CELA2A: variants seen among roughly 807,000 people sequenced by gnomAD.
The protein encoded by CELA2A is chymotrypsin like elastase 2A, also known as chymotrypsin-like elastase family member 2A.
In CELA2A, 31 loss-of-function variants were observed where a neutral mutation model predicts 35.3. The ratio of observed to expected loss-of-function variants is 0.88; its 90% CI spans 0.66 to 1.19. CELA2A has a LOEUF of 1.19. CELA2A is among the 50% of genes most tolerant of loss of function. The pLI, the probability that CELA2A is intolerant of heterozygous loss-of-function variation, is 0.00. For missense variants in CELA2A, 330 were observed against 352.9 expected, an observed-to-expected ratio of 0.94 and a Z score of 0.52; for synonymous variants, 150 against 149.8, an observed-to-expected ratio of 1.00 and a Z score of -0.01.
At chr1:15,465,953 T>G (rs1221648736) in intron 5 of CELA2A, 46 bp from the exon 6 acceptor site, 1 of 1,608,806 alleles carries the variant, frequency 6.2e-7, no homozygotes, top group Admixed American at 1.7e-5. Context: ...TTCCTTTTTC[T>G]CAGGAGTCCC....
chr1:15,461,348 C>T (rs562163509), intron 2 of CELA2A, among the ~76,000 whole-genome samples: 2 of 152,320 alleles, frequency 1.3e-5, no homozygotes, highest in Admixed American at 6.5e-5. Context: ...AAGCATGAGC[C>T]ACCATGCCTG....
intron 2 of CELA2A, among the ~76,000 whole-genome samples, chr1:15,460,812 T>C (rs1708423401): frequency 6.6e-6 from 1 of 151,944 alleles, no homozygotes; most frequent in African/African-American, 2.4e-5. Context: ...ACCGGGACTA[T>C]AGGCATGCAC....
intron 4 of CELA2A, 32 bp from the exon 5 acceptor site, chr1:15,463,354 G>A (rs199652545): frequency 2.1e-5 from 34 of 1,612,540 alleles, no homozygotes; most frequent in Non-Finnish European, 2.4e-5. Context: ...AAGTCAACCC[G>A]GTCCTCATGC....
chr1:15,458,804 T>C (rs1330128355), intron 2 of CELA2A, among the ~76,000 whole-genome samples: 2 of 151,240 alleles, frequency 1.3e-5, no homozygotes, highest in Non-Finnish European at 2.9e-5. Flanking sequence ...TCCCAGCTAC[T>C]TGGGAGGCTG....
rs374195295 is a variant in CELA2A at position 15,471,968 on chromosome 1, G to T, written c.793-22G>T. 2.8e-5 allele frequency: 45 copies of T among 1,614,088 alleles called. 1 individual carries two copies. In the South Asian group the frequency reaches 4.5e-4, roughly 16 times the overall value. ...AGCTCTGCGGTTAGGTGAACCTGACGATTATCTTGTGTGTCCTGCAGGTGA... is the reference window on the plus strand; with the variant it reads ...AGCTCTGCGGTTAGGTGAACCTGACTATTATCTTGTGTGTCCTGCAGGTGA... On this transcript the variant is annotated intron_variant, in intron 7 of 7. Coordinates refer to ENST00000359621, the MANE Select transcript of CELA2A (RefSeq NM_033440.3).
In CELA2A at chr1:15,462,796, G is replaced by T. The variant is rs749380925; in HGVS notation, c.291G>T (p.Ser97=). The change falls in exon 4 of 8, where the codon TCG becomes TCT. Residue 97 remains serine, a synonymous_variant. Coordinates refer to ENST00000359621, the MANE Select transcript of CELA2A (RefSeq NM_033440.3). ...ACCTCTACGTTGCGGAGTCCGGCTC[G>T]CTGGCAGTCAGTGTCTCTAAGATTG... The part of the protein sequence containing the change: ...RHNLYVAESG[S]LAVSVSKIVV... 1.9e-6 allele frequency: 3 copies of T among 1,614,106 alleles called. No individual in the cohort carries two copies. Among genetic ancestry groups the T allele is most frequent in the Non-Finnish European group, 8.5e-7 (1 of 1,180,034 alleles).
chr1:15,461,449 C>T (rs745750719), intron 2 of CELA2A, 112 bp from the exon 3 acceptor site: 60 of 1,103,110 alleles, frequency 5.4e-5, no homozygotes, highest in East Asian at 1.5e-4. Context: ...GCACATGAGG[C>T]GACTGCCTCA....
chr1:15,463,395 T>C lies in CELA2A; in HGVS notation c.366T>C (p.Ile122=). The change falls in exon 5 of 8, where the codon ATT becomes ATC. Residue 122 remains isoleucine (I), a synonymous_variant. Transcript: ENST00000359621. ...NSNQISKGND[I]ALLKLANPVS... ...CTCCACACTCACCCAGGAACGACAT[T>C]GCCCTGCTCAAACTGGCTAACCCCG... is the stretch of plus-strand genomic sequence containing the variant. 5 of 1,613,664 alleles carry C rather than the reference T, an allele frequency of 3.1e-6. No homozygotes were observed. The highest frequency in any genetic ancestry group is 1.3e-5 in the African/African-American group (1 of 75,012).
In CELA2A at chr1:15,462,879, T is replaced by C; in HGVS notation, c.356+18T>C. On this transcript the variant is annotated intron_variant, in intron 4 of 7. Coordinates refer to ENST00000359621, the MANE Select transcript of CELA2A (RefSeq NM_033440.3). ...TCCAAAGGGTTCGTTTCTGTCTGGG[T>C]GCACTTGGGGGTGAGGTTGTCAGGG... 1 of 1,614,044 alleles carries C rather than the reference T, an allele frequency of 6.2e-7. No homozygotes were observed. Among genetic ancestry groups the C allele is most frequent in the Non-Finnish European group, 8.5e-7 (1 of 1,179,982 alleles).
intron 7 of CELA2A, among the ~76,000 whole-genome samples, chr1:15,469,865 C>T (rs1485911305): frequency 6.6e-6 from 1 of 152,132 alleles, no homozygotes. Flanking sequence ...TTTTCCAGCC[C>T]CAGCTGCTGT....
intron 2 of CELA2A, among the ~76,000 whole-genome samples, chr1:15,458,609 G>A (rs897721485): frequency 6.6e-6 from 1 of 152,038 alleles, no homozygotes; most frequent in African/African-American, 2.4e-5. Context: ...TCTGCTCCTT[G>A]ATTAAGAGAC....
In CELA2A at chr1:15,472,006, A is replaced by T; in HGVS notation, c.809A>T (p.Ter270LeuextTer23). ...GTCCTGCAGGTGATTGCAAATAACT[A>T]ACCAAAAGAAGTCCCTGGGACTGTT... is the stretch of plus-strand genomic sequence containing the variant. ...DWINSVIANN[*>L] Residue 270 changes from the stop codon to leucine, a stop_lost, in exon 8 of 8, where the codon TAA (stop) becomes TTA (leucine). Coordinates refer to ENST00000359621, the MANE Select transcript of CELA2A (RefSeq NM_033440.3). 6.2e-7 allele frequency: 1 copy of T among 1,614,098 alleles called. No individual in the cohort carries two copies. The highest frequency in any genetic ancestry group is 8.5e-7 in the Non-Finnish European group (1 of 1,179,984).
rs1169771944 is a variant in CELA2A, at chr1:15,462,733, C to A, written c.228C>A (p.Ser76Arg). The A allele has an allele frequency of 6.2e-7, 1 of 1,613,940 alleles. No homozygotes were observed. ...SWVLTAAHCISSSRTYRVGLG... is the reference protein window; with the variant it reads ...SWVLTAAHCIRSSRTYRVGLG... ...TCTCCCTGGGCCCCCTTTCTCCCAG[C>A]TCCTCCAGGACCTACCGCGTGGGGC... The change falls in exon 4 of 8, where the codon AGC becomes AGA. Residue 76 changes from serine to arginine, a missense_variant and splice_region_variant. Transcript: ENST00000359621.
chr1:15,466,117 G>A lies in CELA2A; in HGVS notation c.612G>A (p.Gly204=), dbSNP rs774402251. 3.1e-6 allele frequency: 5 copies of A among 1,614,058 alleles called. No individual in the cohort carries two copies. The Admixed American group carries it at 5.0e-5, about 16-fold the overall frequency. ...SSVKTSMICA[G]GDGVISSCNG... Reference sequence around the variant, plus strand: ...TGAAAACCAGTATGATCTGTGCTGGGGGTGATGGCGTGATCTCCAGCTGCA... The same window carrying A: ...TGAAAACCAGTATGATCTGTGCTGGAGGTGATGGCGTGATCTCCAGCTGCA... The change falls in exon 6 of 8, where the codon GGG becomes GGA. Residue 204 remains glycine, a synonymous_variant. Coordinates refer to ENST00000359621, the MANE Select transcript of CELA2A (RefSeq NM_033440.3).
chr1:15,460,272 T>G (rs1708416031), intron 2 of CELA2A, among the ~76,000 whole-genome samples: 2 of 151,558 alleles, frequency 1.3e-5, no homozygotes, highest in Non-Finnish European at 2.9e-5. Context: ...TGGGCTAAAT[T>G]TCACATCTGT....
At chr1:15,459,536 T>C (rs970676796) in intron 2 of CELA2A, among the ~76,000 whole-genome samples, 1 of 152,190 alleles carries the variant, frequency 6.6e-6, no homozygotes, top group African/African-American at 2.4e-5. Context: ...ACAGTATTTT[T>C]TCCCTGAGAA....
chr1:15,463,030 G>A, intron 4 of CELA2A, 169 bp downstream of exon 4: 6 of 1,117,196 alleles, frequency 5.4e-6, no homozygotes, highest in East Asian at 2.4e-5. Context: ...TGTCTGGGGT[G>A]GGGATGTGAC....
At chr1:15,461,794 T>A in intron 3 of CELA2A, 136 bp downstream of exon 3, 2 of 987,480 alleles carry the variant, frequency 2.0e-6, no homozygotes, top group Non-Finnish European at 3.2e-6. Flanking sequence ...ACACAAGCTG[T>A]AGTCAATCAA....
Position 15,457,122 on chromosome 1 carries a change from T to A in CELA2A, c.77T>A (p.Val26Glu). ...SCGDPTYPPYVTRVVGGEEAR... is the reference protein window; with the variant it reads ...SCGDPTYPPYETRVVGGEEAR... ...GGGGACCCCACTTACCCACCTTATG[T>A]GACTAGGGTGGTTGGCGGTGAAGAA... is the stretch of plus-strand genomic sequence containing the variant. The change falls in exon 2 of 8, where the codon GTG becomes GAG. Residue 26 changes from valine (V) to glutamate (E), a missense_variant. By Grantham distance (121) the Val-to-Glu change is moderately radical. Coordinates refer to ENST00000359621, the MANE Select transcript of CELA2A (RefSeq NM_033440.3). The A allele has an allele frequency of 6.2e-7, 1 of 1,614,142 alleles. No homozygotes were observed. Among genetic ancestry groups the A allele is most frequent in the Non-Finnish European group, 8.5e-7 (1 of 1,180,036 alleles).
Sources: allele counts gnomAD v4.1 joint callset (sites outside exome capture counted in the v4.1 genomes callset), GRCh38; gene constraint gnomAD v4.1.1; transcripts MANE v1.5; gene names NCBI Gene and HGNC (gene_info 2026-07-23, HGNC 2026-07-21).